Variants in ZDHHC23 observed in about 807,000 individuals in gnomAD.
ZDHHC23 encodes palmitoyltransferase ZDHHC23.
A neutral mutation model predicts 40.2 loss-of-function variants in ZDHHC23; 41 were observed. That is an observed-to-expected ratio of 1.02 (90% confidence interval 0.79 to 1.32). The LOEUF (loss-of-function observed/expected upper bound fraction) is 1.32. Ranked by LOEUF, ZDHHC23 falls within the 40% of genes most tolerant of loss-of-function variation. The pLI is 0.00. For synonymous variants in ZDHHC23, 204 were observed against 210.2 expected, an observed-to-expected ratio of 0.97 and a Z score of 0.26; for missense variants, 471 against 541.5, an observed-to-expected ratio of 0.87 and a Z score of 1.29.
chr3:113,967,202 G>A (rs1004262145), downstream of ZDHHC23, among the ~76,000 whole-genome samples: 2 of 152,060 alleles, frequency 1.3e-5, no homozygotes, highest in East Asian at 1.9e-4. Flanking sequence ...TCCTGTGCTC[G>A]GCTGTGGGCA....
At chr3:113,974,199 G>A in the ZDHHC23 span, among the ~76,000 whole-genome samples, 2 of 151,920 alleles carry the variant, frequency 1.3e-5, no homozygotes, top group African/African-American at 4.8e-5. Context: ...AGATCACTGG[G>A]TTTCCTTAAA....
the ZDHHC23 span, chr3:113,978,757 G>C: frequency 7.6e-7 from 1 of 1,308,606 alleles, no homozygotes; most frequent in Non-Finnish European, 1.1e-6. Context: ...TTTTGTTCTT[G>C]AAAAAACATA....
chr3:113,974,395 C>T, the ZDHHC23 span, among the ~76,000 whole-genome samples: 7 of 151,794 alleles, frequency 4.6e-5, no homozygotes, highest in Non-Finnish European at 1.0e-4. Context: ...TCTCAGCTCA[C>T]TGCAACCTCC....
Position 113,959,999 on chromosome 3 carries a change from T to C in ZDHHC23, c.*1369T>C. On this transcript the variant is annotated 3_prime_UTR_variant, in exon 5 of 5. Coordinates refer to ENST00000638807, the MANE Select transcript of ZDHHC23 (RefSeq NM_001320466.2). ...GGAATTTCAGATGAGGAAAATACCC[T>C]TTTGAAATGTTAGTTTTGAACATGT... The C allele has an allele frequency of 1.5e-5, 15 of 992,188 alleles. No homozygotes were observed. Among genetic ancestry groups the C allele is most frequent in the Non-Finnish European group, 1.6e-5 (13 of 833,264 alleles). 61.5% of individuals were successfully genotyped at this position (992,188 alleles called of 1,614,324 possible).
At chr3:113,952,129 C>G (rs1428639667) in intron 2 of ZDHHC23, among the ~76,000 whole-genome samples, 4 of 151,902 alleles carry the variant, frequency 2.6e-5, no homozygotes. Context: ...AAGAGCAAAA[C>G]TCTGTCTCAA....
In ZDHHC23 at chr3:113,960,669, TG is replaced by T; in HGVS notation, c.*2042del. 1 of 1,607,418 alleles carries T rather than the reference TG, an allele frequency of 6.2e-7. No homozygotes were observed. Among genetic ancestry groups the T allele is most frequent in the Non-Finnish European group, 8.5e-7 (1 of 1,177,632 alleles). ...GTAGTACAAAGAGACCAAAATAATT[TG>T]GGAGAATTAGGAATGATGACAATTT... On this transcript the variant is annotated 3_prime_UTR_variant, in exon 5 of 5. Coordinates refer to ENST00000638807, the MANE Select transcript of ZDHHC23 (RefSeq NM_001320466.2).
intron 2 of ZDHHC23, 24 bp from the exon 3 acceptor site, chr3:113,953,676 C>T: frequency 1.3e-6 from 2 of 1,587,322 alleles, no homozygotes; most frequent in Non-Finnish European, 1.7e-6. Flanking sequence ...TGAAGTCCCT[C>T]CTCTTTGTGC....
At position 113,948,710 on chromosome 3, in the gene ZDHHC23, A is replaced by G. The variant is rs1938368665; in HGVS notation, c.-93A>G. Reference sequence around the variant, plus strand: ...GGCGTTGGAGGTTAAGCAGAGAGAGAGAGGCGTGGACCTATTTACGAGATG... The same window carrying G: ...GGCGTTGGAGGTTAAGCAGAGAGAGGGAGGCGTGGACCTATTTACGAGATG... On this transcript the variant is annotated 5_prime_UTR_variant, in exon 2 of 5. Coordinates refer to ENST00000638807, the MANE Select transcript of ZDHHC23 (RefSeq NM_001320466.2). The G allele has an allele frequency of 6.9e-7, 1 of 1,446,550 alleles. No individual in the cohort carries two copies. Among genetic ancestry groups the G allele is most frequent in the Non-Finnish European group, 9.5e-7 (1 of 1,051,260 alleles). The allele number at this position is 1,446,550 out of a possible 1,614,324, so 89.6% of individuals were successfully genotyped here. A position where few individuals can be genotyped will look rare whatever the true frequency, so the allele number is the denominator to read the frequency against.
chr3:113,955,357 T>C (rs988243091), intron 3 of ZDHHC23, among the ~76,000 whole-genome samples: 3 of 135,262 alleles, frequency 2.2e-5, no homozygotes, highest in East Asian at 4.5e-4. Context: ...TCTTCACTTA[T>C]TCGTGTGTGT....
intron 4 of ZDHHC23, chr3:113,957,913 C>T: frequency 2.1e-6 from 1 of 476,756 alleles, no homozygotes; most frequent in Non-Finnish European, 4.1e-6. Flanking sequence ...CAGCATTGGA[C>T]TGGAAAGAAT....
At chr3:113,956,595 C>A in intron 4 of ZDHHC23, 89 bp downstream of exon 4, 1 of 1,358,310 alleles carries the variant, frequency 7.4e-7, no homozygotes, top group Non-Finnish European at 9.9e-7. Flanking sequence ...GTTAGGAGTT[C>A]TCAATCAAAA....
upstream of ZDHHC23, chr3:113,947,966 G>A (rs1245752370): frequency 6.7e-6 from 1 of 148,344 alleles, no homozygotes; most frequent in Non-Finnish European, 1.5e-5. Context: ...CGGTTGGGAC[G>A]GCGCGGGGAG....
chr3:113,967,080 C>G (rs1940253975), downstream of ZDHHC23, among the ~76,000 whole-genome samples: 1 of 151,420 alleles, frequency 6.6e-6, no homozygotes, highest in South Asian at 2.1e-4. Flanking sequence ...GCCTGGGTAA[C>G]AGAGTGAGAC....
rs544702011 is a variant in ZDHHC23, at chr3:113,948,734, T to C, written c.-69T>C. The C allele has an allele frequency of 1.9e-6, 3 of 1,580,178 alleles. No individual in the cohort carries two copies. Among genetic ancestry groups the C allele is most frequent in the South Asian group, 1.1e-5 (1 of 89,636 alleles). Reference sequence around the variant, plus strand: ...GAGAGGCGTGGACCTATTTACGAGATGTAAGTTGTGTTCTTTCCACCTTTA... The same window carrying C: ...GAGAGGCGTGGACCTATTTACGAGACGTAAGTTGTGTTCTTTCCACCTTTA... On this transcript the variant is annotated 5_prime_UTR_variant, in exon 2 of 5. The change abolishes an upstream ATG in the 5' untranslated region. Coordinates refer to ENST00000638807, the MANE Select transcript of ZDHHC23 (RefSeq NM_001320466.2).
chr3:113,974,999 T>C, the ZDHHC23 span, among the ~76,000 whole-genome samples: 1 of 152,334 alleles, frequency 6.6e-6, no homozygotes, highest in South Asian at 2.1e-4. Flanking sequence ...ATAATAAGTA[T>C]GATTTAAGTC....
the ZDHHC23 span, chr3:113,978,222 T>C: frequency 1.2e-6 from 2 of 1,614,062 alleles, no homozygotes; most frequent in East Asian, 4.5e-5. Flanking sequence ...ATGCTTGCCC[T>C]GAGAATCGAT....
the ZDHHC23 span, among the ~76,000 whole-genome samples, chr3:113,975,492 C>T: frequency 6.6e-6 from 1 of 152,194 alleles, no homozygotes; most frequent in African/African-American, 2.4e-5. Flanking sequence ...TCTATTCATA[C>T]ATTTACCAAA....
At chr3:113,968,803 C>A (rs1940498515), downstream of ZDHHC23, among the ~76,000 whole-genome samples, 1 of 151,776 alleles carries the variant, frequency 6.6e-6, no homozygotes, top group African/African-American at 2.4e-5. Flanking sequence ...TGTTTGAGTT[C>A]CTTACATATT....
downstream of ZDHHC23, among the ~76,000 whole-genome samples, chr3:113,967,899 T>C (rs955096583): frequency 6.6e-6 from 1 of 152,272 alleles, no homozygotes; most frequent in African/African-American, 2.4e-5. Flanking sequence ...TTTGTCTTTC[T>C]GTGCTTGACT....
Sources: gnomAD v4.1 joint callset for allele counts (sites outside exome capture counted in the v4.1 genomes callset) on GRCh38, gnomAD v4.1.1 for gene constraint, MANE v1.5 for transcripts, NCBI Gene and HGNC (gene_info 2026-07-23, HGNC 2026-07-21) for gene names.